CASTOR2: variants seen among roughly 807,000 people sequenced by gnomAD.
CASTOR2 encodes the protein cytosolic arginine sensor for mTORC1 subunit 2.
In CASTOR2, 8 loss-of-function variants were observed where a neutral mutation model predicts 31.2. The observed-to-expected ratio is 0.26, with a 90% CI of 0.15 to 0.46. CASTOR2 has a LOEUF of 0.46. Ranked by LOEUF, CASTOR2 falls within the 20% of genes least tolerant of loss-of-function variation. CASTOR2 has a pLI of 0.99. For missense variants in CASTOR2, 216 were observed against 382.1 expected (o/e 0.57, Z 3.62); for synonymous variants, 162 against 158.7 (o/e 1.02, Z -0.16).
chr7:75,023,934 G>C (rs1805066301), intron 7 of CASTOR2, among the ~76,000 whole-genome samples: 1 of 152,156 alleles, frequency 6.6e-6, no homozygotes, highest in Non-Finnish European at 1.5e-5. Context: ...CTATTTCACT[G>C]GCCAGCGACC....
intron 1 of CASTOR2, among the ~76,000 whole-genome samples, chr7:74,994,162 A>G (rs1217651120): frequency 1.3e-5 from 2 of 152,258 alleles, no homozygotes; most frequent in Admixed American, 6.5e-5. Context: ...TCAGCTACTC[A>G]GCTTCTCGGC....
Position 75,030,554 on chromosome 7 carries a change from A to G in CASTOR2, c.*5855A>G, listed in dbSNP as rs1805274417. On this transcript the variant is annotated 3_prime_UTR_variant, in exon 9 of 9. Coordinates refer to ENST00000616305, the MANE Select transcript of CASTOR2 (RefSeq NM_001145064.3). ...TGAGGTTGCTGTTGTCTGAAATCTT[A>G]GCTAAGGATTGGAGGATGCACTTCT... 6.6e-6 allele frequency among the ~76,000 whole-genome samples: 1 copy of G among 152,100 alleles called. No individual in the cohort carries two copies. The highest frequency in any genetic ancestry group is 2.4e-5 in the African/African-American group (1 of 41,396).
intron 1 of CASTOR2, among the ~76,000 whole-genome samples, chr7:74,993,240 A>G (rs1554437558): frequency 6.6e-6 from 1 of 152,028 alleles, no homozygotes; most frequent in East Asian, 1.9e-4. Flanking sequence ...AGCTTCTAGA[A>G]GTCATCTACC....
chr7:74,988,337 G>A (rs1442836274), intron 1 of CASTOR2, among the ~76,000 whole-genome samples: 4 of 150,582 alleles, frequency 2.7e-5, no homozygotes, highest in Non-Finnish European at 4.4e-5. Context: ...TCACTCTGTC[G>A]CCCAGGCTGG....
rs1194582554 is a variant in CASTOR2, at chr7:75,017,695, C to G, written c.282C>G (p.Ile94Met). ...GGGSFSSSQP[I>M]GVTKIAKSVI... ...GCAGCTTCTCCAGCTCCCAGCCCAT[C>G]GGCGTGACCAAGATCGCCAAGTCAG... The change falls in exon 3 of 9, where the codon ATC (isoleucine) becomes ATG (methionine). Residue 94 changes from isoleucine (I) to methionine (M), a missense_variant. Around this residue, in one of 5 missense-constraint regions of CASTOR2, gnomAD observed 114 missense variants for 194.2 expected, o/e 0.59. Coordinates refer to ENST00000616305, the MANE Select transcript of CASTOR2 (RefSeq NM_001145064.3). 1 of 1,614,044 alleles carries G rather than the reference C, an allele frequency of 6.2e-7. No homozygotes were observed. Among genetic ancestry groups the G allele is most frequent in the Non-Finnish European group, 8.5e-7 (1 of 1,179,878 alleles).
intron 6 of CASTOR2, among the ~76,000 whole-genome samples, chr7:75,020,773 G>A (rs1584478033): frequency 6.6e-6 from 1 of 151,928 alleles, no homozygotes; most frequent in African/African-American, 2.4e-5. Flanking sequence ...ACTGGCATGA[G>A]CCACCGCAAC....
chr7:75,005,023 G>A (rs1450612953), intron 1 of CASTOR2, among the ~76,000 whole-genome samples: 2 of 151,318 alleles, frequency 1.3e-5, no homozygotes, highest in Non-Finnish European at 2.9e-5. Context: ...CCACTGCCAC[G>A]CCTGGCTAAT....
chr7:75,013,334 T>C (rs1804795338), intron 2 of CASTOR2, among the ~76,000 whole-genome samples: 1 of 152,164 alleles, frequency 6.6e-6, no homozygotes, highest in African/African-American at 2.4e-5. Context: ...AGTTCCTTGT[T>C]CAATGTGAAC....
At chr7:75,023,282 T>C (rs888248071) in intron 7 of CASTOR2, among the ~76,000 whole-genome samples, 9 of 151,790 alleles carry the variant, frequency 5.9e-5, no homozygotes, top group African/African-American at 2.2e-4. Context: ...CACTCCAGCC[T>C]GGGCGACAGA....
rs1805095525 is a variant in CASTOR2, at chr7:75,025,261, A to G, written c.*562A>G. The stretch of plus-strand genomic sequence containing the variant: ...CGGGGCTGGTGAGGCTCAGACAGGA[A>G]CCCAGGTGGGATCCCCGAGCTGGGA... On this transcript the variant is annotated 3_prime_UTR_variant, in exon 9 of 9. Coordinates refer to ENST00000616305, the MANE Select transcript of CASTOR2 (RefSeq NM_001145064.3). Among the ~76,000 whole-genome samples, 1 of 152,080 alleles carries G rather than the reference A, an allele frequency of 6.6e-6. No individual in the cohort carries two copies. Among genetic ancestry groups the G allele is most frequent in the Non-Finnish European group, 1.5e-5 (1 of 68,006 alleles).
chr7:75,030,394 G>A lies in CASTOR2; in HGVS notation c.*5695G>A, dbSNP rs986394728. Among the ~76,000 whole-genome samples the A allele has an allele frequency of 6.6e-6, 1 of 152,174 alleles. No homozygotes were observed. The highest frequency in any genetic ancestry group is 6.5e-5 in the Admixed American group (1 of 15,280). On this transcript the variant is annotated 3_prime_UTR_variant, in exon 9 of 9. Coordinates refer to ENST00000616305, the MANE Select transcript of CASTOR2 (RefSeq NM_001145064.3). ...GATTAGGTGAGTGAGGGCAGGACTC[G>A]AATGCAGACCCTGGCTCCAGGGGAG...
intron 2 of CASTOR2, among the ~76,000 whole-genome samples, chr7:75,008,849 C>G (rs2131945714): frequency 6.6e-6 from 1 of 152,088 alleles, no homozygotes; most frequent in East Asian, 1.9e-4. Flanking sequence ...ACTTGGGAGG[C>G]TGAGGTGGGA....
chr7:75,012,371 C>T (rs1313473379), intron 2 of CASTOR2, among the ~76,000 whole-genome samples: 1 of 152,148 alleles, frequency 6.6e-6, no homozygotes, highest in African/African-American at 2.4e-5. Context: ...GGCGCGATCT[C>T]AGCTCACTGC....
rs1242830483 is a variant in CASTOR2, at chr7:75,001,978, A to G, written c.114-6016A>G. On this transcript the variant is annotated intron_variant, in intron 1 of 8. Coordinates refer to ENST00000616305, the MANE Select transcript of CASTOR2 (RefSeq NM_001145064.3). ...TCCACAGTGGCCTGAAAGTCATCCA[A>G]TAGACATAGTGTGGGGCTGTAGGCT... Among the ~76,000 whole-genome samples, 77 of 152,326 alleles carry G rather than the reference A, an allele frequency of 5.1e-4. 2 individuals carry two copies. The highest frequency in any genetic ancestry group is 1.4e-3 in the East Asian group (7 of 5,174).
intron 1 of CASTOR2, among the ~76,000 whole-genome samples, chr7:74,999,743 G>A (rs1200454516): frequency 4.7e-5 from 7 of 148,590 alleles, no homozygotes; most frequent in African/African-American, 7.4e-5. Flanking sequence ...CCAGCCTCCC[G>A]AGTAGCTGGG....
intron 1 of CASTOR2, among the ~76,000 whole-genome samples, chr7:74,992,543 G>A (rs1370368140): frequency 1.3e-5 from 2 of 152,210 alleles, no homozygotes; most frequent in Non-Finnish European, 2.9e-5. Context: ...GGGTTCGAGC[G>A]ATTCTTCTGC....
At chr7:74,985,377 C>G (rs1334124152) in intron 1 of CASTOR2, among the ~76,000 whole-genome samples, 4 of 151,662 alleles carry the variant, frequency 2.6e-5, no homozygotes, top group Non-Finnish European at 5.9e-5. Flanking sequence ...CTTAGAAGCT[C>G]GAGACCAGCC....
At chr7:74,997,349 C>A (rs1804376594) in intron 1 of CASTOR2, among the ~76,000 whole-genome samples, 2 of 152,076 alleles carry the variant, frequency 1.3e-5, no homozygotes, top group Admixed American at 6.6e-5. Flanking sequence ...ACAGTAGATA[C>A]CCCTCTTGGA....
At chr7:74,999,067 C>T (rs1804426739) in intron 1 of CASTOR2, among the ~76,000 whole-genome samples, 1 of 152,034 alleles carries the variant, frequency 6.6e-6, no homozygotes, top group South Asian at 2.1e-4. Flanking sequence ...GCGATCTCAG[C>T]TCACTGCAAG....
Sources: gnomAD v4.1 joint callset for allele counts (sites outside exome capture counted in the v4.1 genomes callset) on GRCh38, gnomAD v4.1.1 for gene constraint, gnomAD v4.1.1 regional missense constraint, MANE v1.5 for transcripts, NCBI Gene and HGNC (gene_info 2026-07-23, HGNC 2026-07-21) for gene names.